Variants in OPCML observed in about 807,000 individuals in gnomAD.
OPCML encodes opioid binding protein/cell adhesion molecule like.
In OPCML, 13 loss-of-function variants were observed where a neutral mutation model predicts 37.8. The ratio of observed to expected loss-of-function variants is 0.34; its 90% confidence interval spans 0.22 to 0.55. The LOEUF (loss-of-function observed/expected upper bound fraction) is 0.55. Ranked by LOEUF, OPCML falls within the 20% of genes least tolerant of loss-of-function variation. OPCML has a pLI of 0.91. For synonymous variants in OPCML, 176 were observed against 168.8 expected, an observed-to-expected ratio of 1.04 and a Z score of -0.33; for missense variants, 341 against 435.6, an observed-to-expected ratio of 0.78 and a Z score of 1.93.
rs1168539397 is a variant in OPCML at position 133,250,527 on chromosome 11, GGGAGGGAGGGAAGGAAGGAAGGAAGGAA to G, written c.61+281709_61+281736del. 5.2e-5 allele frequency among the ~76,000 whole-genome samples: 6 copies of G among 115,970 alleles called. No homozygotes were observed. The South Asian group carries it at 1.1e-3, about 22-fold the overall frequency. The allele number at this position is 115,970 out of a possible 152,430, so 76.1% of individuals were successfully genotyped here. A position where few individuals can be genotyped will look rare whatever the true frequency, so the allele number is the denominator to read the frequency against. On this transcript the variant is annotated intron_variant, in intron 1 of 7. Coordinates refer to ENST00000524381, the MANE Select transcript of OPCML (RefSeq NM_001012393.5). ...GGGAGGGAGAGAGGGAGGGAAGGGAGGGAGGGAGGGAAGGAAGGAAGGAAGGAAGGAGGGAGGGAAGGAAGGAAGAAAA... is the reference window on the plus strand; with the variant it reads ...GGGAGGGAGAGAGGGAGGGAAGGGAGGGAGGGAGGGAAGGAAGGAAGAAAA...
At chr11:133,340,069 T>C (rs939610392) in intron 1 of OPCML, among the ~76,000 whole-genome samples, 1 of 152,204 alleles carries the variant, frequency 6.6e-6, no homozygotes, top group Non-Finnish European at 1.5e-5. Flanking sequence ...TGTTTCCTTT[T>C]CTAACTCTGA....
chr11:132,600,534 T>C (rs1422560105), intron 3 of OPCML, among the ~76,000 whole-genome samples: 1 of 152,208 alleles, frequency 6.6e-6, no homozygotes, highest in Admixed American at 6.5e-5. Flanking sequence ...TTCCAAATTA[T>C]GTTTTTCTTA....
At chr11:132,697,081 A>G (rs921754020) in intron 2 of OPCML, among the ~76,000 whole-genome samples, 3 of 152,176 alleles carry the variant, frequency 2.0e-5, no homozygotes, top group African/African-American at 4.8e-5. Context: ...TGAATCATGG[A>G]TGAAAAAAGC....
At chr11:133,257,605 A>G (rs1178755960) in intron 1 of OPCML, among the ~76,000 whole-genome samples, 2 of 152,082 alleles carry the variant, frequency 1.3e-5, no homozygotes, top group Admixed American at 1.3e-4. Context: ...GGCTGAGAGC[A>G]CCTCTCAACT....
At chr11:132,867,033 C>G (rs920147488) in intron 2 of OPCML, among the ~76,000 whole-genome samples, 8 of 152,230 alleles carry the variant, frequency 5.3e-5, no homozygotes, top group Admixed American at 3.3e-4. Context: ...TTCACTTAGA[C>G]TTGCTGAGGC....
At chr11:132,807,742 T>C (rs953557365) in intron 2 of OPCML, among the ~76,000 whole-genome samples, 8 of 152,168 alleles carry the variant, frequency 5.3e-5, no homozygotes, top group African/African-American at 1.9e-4. Flanking sequence ...CTGGGACTCT[T>C]TTCTGTTAGA....
intron 3 of OPCML, among the ~76,000 whole-genome samples, chr11:132,641,566 G>A (rs1472959357): frequency 6.6e-6 from 1 of 152,164 alleles, no homozygotes; most frequent in African/African-American, 2.4e-5. Flanking sequence ...CACTGTGGCA[G>A]TCAGCATGCA....
At chr11:133,361,013 G>C (rs905496337) in intron 1 of OPCML, 2 of 152,408 alleles carry the variant, frequency 1.3e-5, no homozygotes, top group African/African-American at 2.4e-5. Context: ...GGCTGCCCAC[G>C]GCCTTGCGCT....
At chr11:133,319,861 T>C (rs879441991) in intron 1 of OPCML, among the ~76,000 whole-genome samples, 2 of 152,236 alleles carry the variant, frequency 1.3e-5, no homozygotes, top group Non-Finnish European at 2.9e-5. Flanking sequence ...TCCTGGCTAC[T>C]GACAAGTCTT....
chr11:133,343,858 A>T (rs1030471684), intron 1 of OPCML, among the ~76,000 whole-genome samples: 7 of 152,314 alleles, frequency 4.6e-5, no homozygotes, highest in African/African-American at 1.4e-4. Context: ...TTTTATAAAT[A>T]TCTCTGTACA....
intron 4 of OPCML, among the ~76,000 whole-genome samples, chr11:132,509,097 G>C (rs1038480788): frequency 2.0e-5 from 3 of 152,176 alleles, no homozygotes; most frequent in African/African-American, 7.2e-5. Context: ...TGAGGAACTT[G>C]TTGGGAAGTG....
At chr11:132,917,757 C>T (rs967794261) in intron 2 of OPCML, among the ~76,000 whole-genome samples, 34 of 152,294 alleles carry the variant, frequency 2.2e-4, no homozygotes, top group African/African-American at 8.2e-4. Context: ...CATGAAGTAG[C>T]ACAATGGCTT....
chr11:132,886,349 G>C (rs749377967), intron 2 of OPCML, among the ~76,000 whole-genome samples: 1 of 152,218 alleles, frequency 6.6e-6, no homozygotes, highest in Admixed American at 6.5e-5. Context: ...TGGCCTGGGT[G>C]GGGGCGGCTT....
intron 2 of OPCML, 142 bp downstream of exon 2, chr11:132,942,784 A>C: frequency 9.5e-7 from 1 of 1,047,734 alleles, no homozygotes; most frequent in Non-Finnish European, 1.4e-6. Context: ...TCGGCACGGC[A>C]GCACGCAAGC....
chr11:132,758,612 G>C (rs1406557460), intron 2 of OPCML, among the ~76,000 whole-genome samples: 3 of 152,100 alleles, frequency 2.0e-5, no homozygotes, highest in Admixed American at 6.5e-5. Context: ...ATCTGTTATT[G>C]GTGTATAGGA....
intron 1 of OPCML, among the ~76,000 whole-genome samples, chr11:133,394,106 T>C (rs1442708055): frequency 6.6e-6 from 1 of 152,188 alleles, no homozygotes; most frequent in Admixed American, 6.5e-5. Flanking sequence ...TAATCCTTCT[T>C]AACACACCCT....
At chr11:133,137,832 T>C (rs1949713950) in intron 1 of OPCML, among the ~76,000 whole-genome samples, 1 of 152,238 alleles carries the variant, frequency 6.6e-6, no homozygotes, top group Non-Finnish European at 1.5e-5. Flanking sequence ...TCAGGAGCTC[T>C]TAAGCATGTC....
At chr11:133,330,602 C>T (rs984836227) in intron 1 of OPCML, among the ~76,000 whole-genome samples, 8 of 151,212 alleles carry the variant, frequency 5.3e-5, no homozygotes, top group Non-Finnish European at 1.0e-4. Flanking sequence ...AACCAAACAC[C>T]AGATGTTCTC....
intron 1 of OPCML, among the ~76,000 whole-genome samples, chr11:132,971,893 G>A (rs571596463): frequency 6.6e-6 from 1 of 152,278 alleles, no homozygotes; most frequent in Non-Finnish European, 1.5e-5. Context: ...CACCTTGTAT[G>A]TAACTTATTG....
Sources: gnomAD v4.1 joint callset for allele counts (sites outside exome capture counted in the v4.1 genomes callset) on GRCh38, gnomAD v4.1.1 for gene constraint, MANE v1.5 for transcripts, NCBI Gene and HGNC (gene_info 2026-07-23, HGNC 2026-07-21) for gene names.